SGCD: variants seen among roughly 807,000 people sequenced by gnomAD.
SGCD encodes the protein delta-sarcoglycan.
SGCD carries 18 observed loss-of-function variants against 36.6 expected under a neutral mutation model. The ratio of observed to expected loss-of-function variants is 0.49; its 90% CI spans 0.34 to 0.73. SGCD has a LOEUF of 0.73. Ranked by LOEUF, SGCD falls within the 30% of genes least tolerant of loss-of-function variation. The pLI is 0.01. For missense variants in SGCD, 387 were observed against 346.7 expected, an observed-to-expected ratio of 1.12 and a Z score of -0.92; for synonymous variants, 133 against 130.6, an observed-to-expected ratio of 1.02 and a Z score of -0.12.
intron 6 of SGCD, among the ~76,000 whole-genome samples, chr5:156,639,578 G>C (rs546741954): frequency 5.3e-5 from 8 of 152,276 alleles, no homozygotes; most frequent in African/African-American, 7.2e-5. Flanking sequence ...TTGTCAAAAG[G>C]TTGTAACTCT....
chr5:156,284,865 A>G (rs1367088849), intron 3 of SGCD, among the ~76,000 whole-genome samples: 1 of 152,216 alleles, frequency 6.6e-6, no homozygotes, highest in South Asian at 2.1e-4. Context: ...TTCAATTAGT[A>G]AAAAAGGAAG....
intron 1 of SGCD, among the ~76,000 whole-genome samples, chr5:156,070,314 G>A (rs540942205): frequency 1.1e-4 from 17 of 152,034 alleles, no homozygotes; most frequent in South Asian, 8.3e-4. Context: ...CATCAATGCC[G>A]AATTTATTGA....
chr5:156,164,146 G>A (rs1434153470), intron 3 of SGCD, among the ~76,000 whole-genome samples: 1 of 151,356 alleles, frequency 6.6e-6, no homozygotes, highest in Admixed American at 6.6e-5. Flanking sequence ...TCTATTTACA[G>A]TCTTGCAGCT....
At chr5:155,985,299 C>T (rs1019921) in intron 1 of SGCD, among the ~76,000 whole-genome samples, 6,995 of 152,224 alleles carry the variant, frequency 0.046, 193 homozygotes, top group South Asian at 0.084. Flanking sequence ...TGGTAGGCCT[C>T]AATTCTATGT....
At chr5:156,742,748 A>G (rs1049623222) in intron 7 of SGCD, among the ~76,000 whole-genome samples, 5 of 152,212 alleles carry the variant, frequency 3.3e-5, no homozygotes, top group Non-Finnish European at 5.9e-5. Context: ...CAAGGAGTAG[A>G]TGGTATTAAT....
chr5:156,684,282 G>A (rs1462594786), intron 7 of SGCD, among the ~76,000 whole-genome samples: 1 of 151,992 alleles, frequency 6.6e-6, no homozygotes, highest in African/African-American at 2.4e-5. Context: ...GATGAAGTGA[G>A]GATGCTATGA....
At chr5:156,503,611 G>A (rs775222643) in intron 3 of SGCD, among the ~76,000 whole-genome samples, 1 of 152,126 alleles carries the variant, frequency 6.6e-6, no homozygotes, top group Non-Finnish European at 1.5e-5. Context: ...TGTAAAGTCT[G>A]AATTGGAAAC....
chr5:155,965,756 T>C (rs1022853092), intron 1 of SGCD, among the ~76,000 whole-genome samples: 1 of 151,978 alleles, frequency 6.6e-6, no homozygotes, highest in Non-Finnish European at 1.5e-5. Context: ...TTTCTCCCTA[T>C]CTCCTTTACT....
the SGCD span, among the ~76,000 whole-genome samples, chr5:155,755,958 T>G: frequency 6.6e-6 from 1 of 152,238 alleles, no homozygotes; most frequent in East Asian, 1.9e-4. Flanking sequence ...TTTGGTGCTT[T>G]AAAATTAGGA....
At chr5:156,544,074 A>G (rs1758461921) in intron 4 of SGCD, among the ~76,000 whole-genome samples, 1 of 152,228 alleles carries the variant, frequency 6.6e-6, no homozygotes, top group African/African-American at 2.4e-5. Flanking sequence ...AGAAGTGAGG[A>G]TGAGGACCAC....
chr5:155,753,919 G>T, the SGCD span, among the ~76,000 whole-genome samples: 1 of 151,720 alleles, frequency 6.6e-6, no homozygotes, highest in African/African-American at 2.4e-5. Context: ...TTCAATTGAC[G>T]TGTTTTTAGG....
intron 1 of SGCD, among the ~76,000 whole-genome samples, chr5:156,101,901 G>GGT (rs1475218339): frequency 2.4e-4 from 22 of 91,014 alleles, no homozygotes; most frequent in African/African-American, 1.0e-3. Context: ...GGTGTCTCCA[G>GGT]CTGTGTGTGT....
intron 1 of SGCD, among the ~76,000 whole-genome samples, chr5:155,998,923 C>A (rs1758609884): frequency 6.6e-6 from 1 of 152,174 alleles, no homozygotes; most frequent in Admixed American, 6.5e-5. Flanking sequence ...AAGCAGTGAT[C>A]ATGTCTTATT....
At chr5:156,084,862 C>T (rs1761056331) in intron 1 of SGCD, among the ~76,000 whole-genome samples, 1 of 152,158 alleles carries the variant, frequency 6.6e-6, no homozygotes, top group Non-Finnish European at 1.5e-5. Context: ...GAAGTGATTT[C>T]CCTCTATCCT....
chr5:156,209,737 C>T (rs1182312649), intron 3 of SGCD, among the ~76,000 whole-genome samples: 1 of 152,238 alleles, frequency 6.6e-6, no homozygotes, highest in African/African-American at 2.4e-5. Context: ...AAGGCTGGCA[C>T]TTGTGGCCTC....
rs780746864 is a variant in SGCD, at chr5:156,696,738, G to A, written c.575+49202G>A. Among the ~76,000 whole-genome samples, 25 of 152,058 alleles carry A rather than the reference G, an allele frequency of 1.6e-4. 1 individual carries two copies. Among genetic ancestry groups the A allele is most frequent in the Non-Finnish European group, 3.5e-4 (24 of 68,012 alleles). On this transcript the variant is annotated intron_variant, in intron 7 of 8. Transcript: ENST00000337851. ...TTGACCAAGCTGGTCTGGAACTCCTGGCCTCAAGTGATCTTCCTGCCTTGG... is the reference window on the plus strand; with the variant it reads ...TTGACCAAGCTGGTCTGGAACTCCTAGCCTCAAGTGATCTTCCTGCCTTGG...
chr5:155,937,025 A>G (rs1757220989), intron 1 of SGCD, among the ~76,000 whole-genome samples: 2 of 152,266 alleles, frequency 1.3e-5, no homozygotes, highest in East Asian at 1.9e-4. Context: ...GAGAGACCAG[A>G]CAGGGGTAGC....
At chr5:155,730,872 C>G in the SGCD span, among the ~76,000 whole-genome samples, 3 of 152,188 alleles carry the variant, frequency 2.0e-5, no homozygotes, top group Non-Finnish European at 2.9e-5. Flanking sequence ...CCTCCTCACC[C>G]AGGGCCTCTG....
intron 3 of SGCD, among the ~76,000 whole-genome samples, chr5:156,351,223 A>T (rs1012864755): frequency 6.6e-6 from 1 of 152,202 alleles, no homozygotes; most frequent in Non-Finnish European, 1.5e-5. Context: ...GTGTTAACAT[A>T]AGCATTTAGT....
Sources: gnomAD v4.1 joint callset for allele counts (sites outside exome capture counted in the v4.1 genomes callset) on GRCh38, gnomAD v4.1.1 for gene constraint, MANE v1.5 for transcripts, NCBI Gene and HGNC (gene_info 2026-07-23, HGNC 2026-07-21) for gene names.